The following PHF24 variants were observed in gnomAD, a reference collection of about 807,000 sequenced individuals.
The protein encoded by PHF24 is Galpha inhibitory interacting protein.
Under a neutral mutation model 42.6 loss-of-function variants are expected in PHF24, and 25 were observed. That is an observed-to-expected ratio of 0.59 (90% CI 0.43 to 0.82). The LOEUF (loss-of-function observed/expected upper bound fraction) is 0.82, where lower values mean the gene tolerates loss of function less well. Ranked by LOEUF, PHF24 falls within the 40% of genes least tolerant of loss-of-function variation. PHF24 has a pLI of 0.00. For missense variants in PHF24, 470 were observed against 538.1 expected (o/e 0.87, Z 1.25); for synonymous variants, 185 against 204.8 (o/e 0.90, Z 0.83).
the PHF24 span, among the ~76,000 whole-genome samples, chr9:34,768,359 A>T: frequency 3.9e-5 from 6 of 152,214 alleles, no homozygotes; most frequent in Non-Finnish European, 8.8e-5. Context: ...CTGGAAAGTT[A>T]CAGCAAAGGG....
chr9:34,973,667 A>G (rs748705671), intron 3 of PHF24, among the ~76,000 whole-genome samples: 1 of 152,158 alleles, frequency 6.6e-6, no homozygotes, highest in Non-Finnish European at 1.5e-5. Context: ...CTCTTCCTCT[A>G]TGGCTTGTTA....
chr9:34,968,528 T>G (rs1826858833), intron 1 of PHF24, among the ~76,000 whole-genome samples: 1 of 152,192 alleles, frequency 6.6e-6, no homozygotes. Flanking sequence ...GGGGAGGTGG[T>G]TCTTTCCTTT....
the PHF24 span, among the ~76,000 whole-genome samples, chr9:34,692,819 C>T: frequency 2.2e-5 from 3 of 137,754 alleles, no homozygotes; most frequent in Non-Finnish European, 4.6e-5. Context: ...CAGAGTCTCA[C>T]TCTGTCACCC....
chr9:34,909,500 G>A, the PHF24 span, among the ~76,000 whole-genome samples: 3 of 151,630 alleles, frequency 2.0e-5, no homozygotes, highest in African/African-American at 7.3e-5. Context: ...TATCTTGTAT[G>A]CTTCTCTGTC....
the PHF24 span, chr9:34,665,646 C>T: frequency 2.9e-6 from 2 of 701,292 alleles, no homozygotes; most frequent in Non-Finnish European, 2.6e-6. Flanking sequence ...CTCGTATCTC[C>T]TCATTCCCGA....
the PHF24 span, among the ~76,000 whole-genome samples, chr9:34,925,535 T>C: frequency 6.6e-6 from 1 of 152,148 alleles, no homozygotes; most frequent in Non-Finnish European, 1.5e-5. Flanking sequence ...GTAGGCTTTC[T>C]TCTTTCTTCT....
chr9:34,673,906 C>A, the PHF24 span, among the ~76,000 whole-genome samples: 1 of 152,004 alleles, frequency 6.6e-6, no homozygotes, highest in South Asian at 2.1e-4. Context: ...CAGGTGTGAG[C>A]CACCGCACCT....
chr9:34,755,143 G>C, the PHF24 span, among the ~76,000 whole-genome samples: 1 of 152,088 alleles, frequency 6.6e-6, no homozygotes, highest in African/African-American at 2.4e-5. Flanking sequence ...GTATTCGATA[G>C]CACTTCAGAG....
chr9:34,788,575 A>T, the PHF24 span, among the ~76,000 whole-genome samples: 1 of 152,180 alleles, frequency 6.6e-6, no homozygotes, highest in Non-Finnish European at 1.5e-5. Flanking sequence ...AAGATACCAA[A>T]TACACATGGC....
At chr9:34,947,424 T>G in the PHF24 span, among the ~76,000 whole-genome samples, 1 of 152,230 alleles carries the variant, frequency 6.6e-6, no homozygotes, top group Admixed American at 6.5e-5. Flanking sequence ...GCCGGTTATA[T>G]AAAACTATAG....
chr9:34,709,496 T>C, the PHF24 span: 13 of 1,613,984 alleles, frequency 8.1e-6, no homozygotes, highest in South Asian at 1.4e-4. Context: ...CTCAGATTCC[T>C]CACCTCTTGC....
the PHF24 span, chr9:34,832,371 G>A: frequency 1.1e-6 from 1 of 903,122 alleles, no homozygotes; most frequent in Non-Finnish European, 1.7e-6. Context: ...GTGGCCTGGG[G>A]TTGAGGCAGA....
the PHF24 span, among the ~76,000 whole-genome samples, chr9:34,687,910 A>G: frequency 1.3e-5 from 2 of 152,216 alleles, no homozygotes; most frequent in African/African-American, 4.8e-5. Flanking sequence ...GTGAGTGGAC[A>G]GTTGGCTGGA....
chr9:34,922,853 T>C, the PHF24 span: 41 of 1,585,844 alleles, frequency 2.6e-5, 1 homozygote, highest in South Asian at 4.4e-4. Context: ...TCATGCAGGC[T>C]GCCATATCAT....
chr9:34,875,948 A>ACTCTCTCTCTCTCTCTCT, the PHF24 span, among the ~76,000 whole-genome samples: 1 of 79,916 alleles, frequency 1.3e-5, no homozygotes, highest in African/African-American at 4.9e-5. Context: ...ACACACACAC[A>ACTCTCTCTCTCTCTCTCT]CACTCTCTCT....
the PHF24 span, among the ~76,000 whole-genome samples, chr9:34,847,281 A>G: frequency 4.6e-5 from 7 of 152,140 alleles, no homozygotes; most frequent in African/African-American, 1.4e-4. Context: ...TTCGTTGAGC[A>G]GTGGTTTGTA....
At chr9:34,671,950 C>A in the PHF24 span, among the ~76,000 whole-genome samples, 4 of 152,114 alleles carry the variant, frequency 2.6e-5, no homozygotes, top group East Asian at 7.7e-4. Flanking sequence ...GTGACCTGTT[C>A]ATCTGTATGT....
the PHF24 span, among the ~76,000 whole-genome samples, chr9:34,821,610 C>G: frequency 6.6e-6 from 1 of 152,190 alleles, no homozygotes. Context: ...GATCCTCCAT[C>G]AGGCTCTCTA....
the PHF24 span, chr9:34,722,913 C>A: frequency 3.4e-6 from 1 of 297,944 alleles, no homozygotes; most frequent in Non-Finnish European, 6.2e-6. Context: ...TAGATAAAAG[C>A]TTTTCTTCTT....
Sources: gnomAD v4.1 joint callset for allele counts (sites outside exome capture counted in the v4.1 genomes callset) on GRCh38, gnomAD v4.1.1 for gene constraint, MANE v1.5 for transcripts, NCBI Gene and HGNC (gene_info 2026-07-23, HGNC 2026-07-21) for gene names.